Variants in NAALADL2 observed in about 807,000 individuals in gnomAD.
NAALADL2 encodes the protein inactive N-acetylated-alpha-linked acidic dipeptidase-like protein 2.
In NAALADL2, 76 loss-of-function variants were observed where a neutral mutation model predicts 87.2. That is an observed-to-expected ratio of 0.87 (90% CI 0.72 to 1.05). The LOEUF is 1.05. Ranked by LOEUF, NAALADL2 falls within the 50% of genes least tolerant of loss-of-function variation. The probability of loss-of-function intolerance (pLI) is 0.00; values close to 1 mark genes in which losing one functional copy is unlikely to be tolerated. For missense variants in NAALADL2, 1,089 were observed against 945.8 expected, an observed-to-expected ratio of 1.15 and a Z score of -1.99; for synonymous variants, 354 against 331.0, an observed-to-expected ratio of 1.07 and a Z score of -0.75.
chr3:174,849,354 A>G (rs1724982802), intron 3 of NAALADL2, among the ~76,000 whole-genome samples: 1 of 152,200 alleles, frequency 6.6e-6, no homozygotes, highest in African/African-American at 2.4e-5. Flanking sequence ...GTACAGCTGT[A>G]CAAAAATATT....
chr3:174,505,463 A>C (rs1302691682), intron 1 of NAALADL2, among the ~76,000 whole-genome samples: 24 of 152,224 alleles, frequency 1.6e-4, no homozygotes, highest in Admixed American at 1.6e-3. Flanking sequence ...TTTAAGATTC[A>C]AGGTTATCTT....
intron 11 of NAALADL2, among the ~76,000 whole-genome samples, chr3:175,703,485 G>A (rs1739258307): frequency 6.6e-6 from 1 of 152,180 alleles, no homozygotes. Flanking sequence ...GCTCATGCCT[G>A]TAATCCCAGC....
chr3:174,827,862 TC>T (rs1298065805), intron 3 of NAALADL2, among the ~76,000 whole-genome samples: 1 of 152,122 alleles, frequency 6.6e-6, no homozygotes, highest in Non-Finnish European at 1.5e-5. Context: ...CCCTTTGAAG[TC>T]CCTCTTCCCA....
intron 1 of NAALADL2, among the ~76,000 whole-genome samples, chr3:174,482,092 A>G (rs568257043): frequency 6.6e-6 from 1 of 152,188 alleles, no homozygotes; most frequent in Admixed American, 6.5e-5. Flanking sequence ...TCAGTCTCAT[A>G]CCTGCTATAT....
At chr3:175,072,952 GTTTTA>G (rs1016114706) in intron 1 of NAALADL2, among the ~76,000 whole-genome samples, 4 of 151,830 alleles carry the variant, frequency 2.6e-5, no homozygotes, top group African/African-American at 4.8e-5. Flanking sequence ...ATGCAATTTT[GTTTTA>G]TTTTCTTTTA....
intron 5 of NAALADL2, among the ~76,000 whole-genome samples, chr3:175,401,729 T>G (rs1770585702): frequency 6.6e-6 from 1 of 152,142 alleles, no homozygotes. Flanking sequence ...ATATATGTGG[T>G]CTGCCATTGA....
intron 11 of NAALADL2, among the ~76,000 whole-genome samples, chr3:175,634,423 T>C (rs1728230677): frequency 6.6e-6 from 1 of 152,046 alleles, no homozygotes; most frequent in African/African-American, 2.4e-5. Context: ...CTTCTCATTT[T>C]ATAACTATAG....
At chr3:175,306,760 C>T (rs1448259934) in intron 4 of NAALADL2, among the ~76,000 whole-genome samples, 1 of 152,118 alleles carries the variant, frequency 6.6e-6, no homozygotes, top group Non-Finnish European at 1.5e-5. Flanking sequence ...GCAGGAGGAT[C>T]GCTTGAACCC....
intron 4 of NAALADL2, among the ~76,000 whole-genome samples, chr3:175,308,792 A>C (rs942736855): frequency 1.3e-5 from 2 of 152,234 alleles, no homozygotes; most frequent in Non-Finnish European, 2.9e-5. Flanking sequence ...TTGCAAAGGC[A>C]ACTGGTAATC....
At chr3:175,781,569 G>C (rs562193160) in intron 13 of NAALADL2, among the ~76,000 whole-genome samples, 1 of 151,110 alleles carries the variant, frequency 6.6e-6, no homozygotes, top group East Asian at 1.9e-4. Flanking sequence ...TGTTATATTA[G>C]AGTGTGCTCC....
intron 5 of NAALADL2, among the ~76,000 whole-genome samples, chr3:175,443,220 T>C (rs1363553202): frequency 6.6e-6 from 1 of 152,180 alleles, no homozygotes; most frequent in African/African-American, 2.4e-5. Context: ...TTACTTTAGA[T>C]ATTTCAAAAC....
chr3:175,608,625 T>C lies in NAALADL2; in HGVS notation c.1801-18666T>C, dbSNP rs558478882. 1.1e-4 allele frequency among the ~76,000 whole-genome samples: 16 copies of C among 152,218 alleles called. No individual in the cohort carries two copies. The East Asian group carries it at 3.1e-3, about 30-fold the overall frequency. On this transcript the variant is annotated intron_variant, in intron 10 of 13. Coordinates refer to ENST00000454872, the MANE Select transcript of NAALADL2 (RefSeq NM_207015.3). ...TGAGACAATCCTTTAAACATTGTTA[T>C]AACGATCGTGTAGGAGTTATGAAAT...
chr3:175,716,078 T>C (rs1462777986), intron 11 of NAALADL2, among the ~76,000 whole-genome samples: 1 of 148,952 alleles, frequency 6.7e-6, no homozygotes, highest in East Asian at 1.9e-4. Flanking sequence ...ATATATAATA[T>C]GTTACATATA....
chr3:174,979,871 A>G (rs1744887486), intron 1 of NAALADL2, among the ~76,000 whole-genome samples: 1 of 152,096 alleles, frequency 6.6e-6, no homozygotes, highest in South Asian at 2.1e-4. Context: ...TTTCAACCAT[A>G]TCGATCACTT....
chr3:175,377,001 T>G (rs1252237108), intron 5 of NAALADL2, among the ~76,000 whole-genome samples: 1 of 133,140 alleles, frequency 7.5e-6, no homozygotes. Flanking sequence ...TACCTGGCCT[T>G]CTTTTAAAAA....
chr3:174,826,377 CT>C (rs1721998884), intron 3 of NAALADL2, among the ~76,000 whole-genome samples: 1 of 152,144 alleles, frequency 6.6e-6, no homozygotes, highest in South Asian at 2.1e-4. Context: ...TTTCTTTTTC[CT>C]TTTTTTGCAT....
intron 11 of NAALADL2, chr3:175,676,102 A>G (rs939261104): frequency 6.6e-6 from 1 of 152,132 alleles, no homozygotes; most frequent in Non-Finnish European, 1.5e-5. Context: ...GGGCAAAGTA[A>G]TGTGTTCTTC....
At chr3:174,471,193 G>C (rs1451023588) in intron 1 of NAALADL2, among the ~76,000 whole-genome samples, 2 of 151,390 alleles carry the variant, frequency 1.3e-5, no homozygotes, top group East Asian at 3.9e-4. Flanking sequence ...GTAACTTAAG[G>C]TTAAAACCTT....
chr3:174,643,083 C>T (rs947653157), intron 2 of NAALADL2, among the ~76,000 whole-genome samples: 1 of 151,990 alleles, frequency 6.6e-6, no homozygotes, highest in Admixed American at 6.6e-5. Flanking sequence ...AATATGGCCA[C>T]AAAAATATAA....
Sources: gnomAD v4.1 joint callset for allele counts (sites outside exome capture counted in the v4.1 genomes callset) on GRCh38, gnomAD v4.1.1 for gene constraint, MANE v1.5 for transcripts, NCBI Gene and HGNC (gene_info 2026-07-23, HGNC 2026-07-21) for gene names.